DPF2: variants seen among roughly 807,000 people sequenced by gnomAD.
DPF2 encodes the protein zinc finger protein ubi-d4.
DPF2 carries 10 observed loss-of-function variants against 59.6 expected under a neutral mutation model. The observed-to-expected ratio is 0.17, with a 90% confidence interval of 0.10 to 0.28. The LOEUF (loss-of-function observed/expected upper bound fraction) is 0.28. DPF2 is among the 10% of genes least tolerant of loss of function. The pLI, the probability that DPF2 is intolerant of heterozygous loss-of-function variation, is 1.00. For missense variants in DPF2, 315 were observed against 509.4 expected (o/e 0.62, Z 3.67); for synonymous variants, 189 against 190.6 (o/e 0.99, Z 0.07).
intron 5 of DPF2, 38 bp downstream of exon 5, chr11:65,343,875 G>C: frequency 4.4e-6 from 7 of 1,583,178 alleles, no homozygotes; most frequent in Non-Finnish European, 5.2e-6. Context: ...TTGGGACAGG[G>C]TGGCCTAGGG....
At chr11:65,348,637 G>T in intron 9 of DPF2, 1 of 434,100 alleles carries the variant, frequency 2.3e-6, no homozygotes, top group Non-Finnish European at 4.1e-6. Context: ...AAAAAGTGGA[G>T]GTGATTTGAT....
At chr11:65,349,373 A>G (rs1417038602) in intron 10 of DPF2, among the ~76,000 whole-genome samples, 2 of 152,186 alleles carry the variant, frequency 1.3e-5, no homozygotes, top group African/African-American at 4.8e-5. Context: ...CTTCTCCGAT[A>G]ACTTACTGTA....
At chr11:65,343,893 T>A in intron 5 of DPF2, 56 bp downstream of exon 5, 2 of 1,592,146 alleles carry the variant, frequency 1.3e-6, no homozygotes, top group Non-Finnish European at 1.7e-6. Context: ...GGGAATTCCT[T>A]ATTTTATTTC....
intron 10 of DPF2, among the ~76,000 whole-genome samples, chr11:65,350,111 A>G (rs1302084970): frequency 1.3e-5 from 2 of 152,118 alleles, no homozygotes; most frequent in East Asian, 1.9e-4. Flanking sequence ...TTTTTAAACC[A>G]TCAAACAGAT....
chr11:65,342,636 C>T (rs1445981245), intron 4 of DPF2, among the ~76,000 whole-genome samples: 1 of 152,086 alleles, frequency 6.6e-6, no homozygotes, highest in African/African-American at 2.4e-5. Flanking sequence ...CTTTTCATGC[C>T]CTTTCTCCTT....
intron 10 of DPF2, among the ~76,000 whole-genome samples, chr11:65,349,590 T>C (rs994796847): frequency 1.3e-5 from 2 of 152,092 alleles, no homozygotes; most frequent in Non-Finnish European, 2.9e-5. Flanking sequence ...GGTCAGGACA[T>C]GGAGACCATC....
At chr11:65,344,318 G>A in intron 6 of DPF2, 1 of 614,556 alleles carries the variant, frequency 1.6e-6, no homozygotes, top group Non-Finnish European at 2.9e-6. Flanking sequence ...GGGGGCCACA[G>A]CAGGCAGGGT....
At chr11:65,346,472 A>G (rs1406339231) in intron 9 of DPF2, 113 bp downstream of exon 9, 2 of 862,578 alleles carry the variant, frequency 2.3e-6, no homozygotes, top group Admixed American at 2.5e-5. Flanking sequence ...TCCCTCCCAC[A>G]TGCCACACGC....
intron 4 of DPF2, 50 bp downstream of exon 4, chr11:65,341,612 C>T (rs773318082): frequency 1.2e-6 from 2 of 1,605,410 alleles, no homozygotes; most frequent in East Asian, 2.2e-5. Context: ...AATCAGCCTC[C>T]TCTTCACTGG....
At chr11:65,349,668 C>T (rs1054853049) in intron 10 of DPF2, among the ~76,000 whole-genome samples, 4 of 152,192 alleles carry the variant, frequency 2.6e-5, no homozygotes, top group Admixed American at 2.6e-4. Flanking sequence ...TGGTGGCGGG[C>T]GCCTGTAGTC....
chr11:65,344,191 GC>G, intron 6 of DPF2, 122 bp downstream of exon 6: 2 of 994,234 alleles, frequency 2.0e-6, no homozygotes, highest in South Asian at 2.8e-5. Context: ...CTCTTGTCCT[GC>G]CTGCTGACTG....
intron 4 of DPF2, among the ~76,000 whole-genome samples, chr11:65,342,203 A>T (rs1854394977): frequency 6.6e-6 from 1 of 152,196 alleles, no homozygotes; most frequent in Non-Finnish European, 1.5e-5. Flanking sequence ...CATTTGCCTT[A>T]TCTGTCTTTG....
rs948362061 is a variant in DPF2, at chr11:65,352,739, C to T, written c.*980C>T. 1.3e-5 allele frequency: 2 copies of T among 152,610 alleles called. No individual in the cohort carries two copies. The highest frequency in any genetic ancestry group is 2.9e-5 in the Non-Finnish European group (2 of 68,086). The allele number at this position is 152,610 out of a possible 1,614,324, so 9.5% of individuals were successfully genotyped here. On this transcript the variant is annotated 3_prime_UTR_variant, in exon 11 of 11. Coordinates refer to ENST00000528416, the MANE Select transcript of DPF2 (RefSeq NM_006268.5). ...AAGCCACATAGACATCCCTTTCTTC[C>T]CTTGCACGCTCGCTAGCAGCTGGTA...
At chr11:65,345,059 C>T in intron 6 of DPF2, 1 of 186,166 alleles carries the variant, frequency 5.4e-6, no homozygotes, top group East Asian at 1.4e-4. Flanking sequence ...TGGGGATCTG[C>T]TTTCCTTGCT....
intron 1 of DPF2, among the ~76,000 whole-genome samples, chr11:65,338,206 C>G (rs921953788): frequency 6.6e-6 from 1 of 152,332 alleles, no homozygotes; most frequent in African/African-American, 2.4e-5. Flanking sequence ...CTTGGCCTCC[C>G]AAAGTGCTGG....
In DPF2 at chr11:65,346,370, C is replaced by T. The variant is rs1243778670; in HGVS notation, c.1017+11C>T. 6.2e-7 allele frequency: 1 copy of T among 1,607,984 alleles called. No homozygotes were observed. On this transcript the variant is annotated intron_variant, in intron 9 of 10. Transcript: ENST00000528416. ...ACCTCCGAGAATGACGTGTGTATCC[C>T]CGCCCCCTCCTCAGCATGGCTCCTT...
intron 8 of DPF2, 57 bp from the exon 9 acceptor site, chr11:65,346,190 C>G: frequency 6.3e-7 from 1 of 1,599,976 alleles, no homozygotes; most frequent in Non-Finnish European, 8.5e-7. Flanking sequence ...CAGGCAGGAG[C>G]TCCTCTCTTC....
intron 4 of DPF2, among the ~76,000 whole-genome samples, chr11:65,342,626 C>CT (rs1290846575): frequency 5.3e-5 from 8 of 152,182 alleles, no homozygotes; most frequent in African/African-American, 1.7e-4. Context: ...GGTTAAGTGC[C>CT]TTTTCATGCC....
At chr11:65,341,617 C>T in intron 4 of DPF2, 55 bp downstream of exon 4, 1 of 1,601,584 alleles carries the variant, frequency 6.2e-7, no homozygotes, top group Non-Finnish European at 8.5e-7. Flanking sequence ...GCCTCCTCTT[C>T]ACTGGGGGCC....
Sources: gnomAD v4.1 joint callset for allele counts (sites outside exome capture counted in the v4.1 genomes callset) on GRCh38, gnomAD v4.1.1 for gene constraint, MANE v1.5 for transcripts, NCBI Gene and HGNC (gene_info 2026-07-23, HGNC 2026-07-21) for gene names.